Variants in ASCC2 observed in about 807,000 individuals in gnomAD.
ASCC2 encodes ASC-1 complex subunit P100.
A neutral mutation model predicts 93.5 loss-of-function variants in ASCC2; 42 were observed. The ratio of observed to expected loss-of-function variants is 0.45; its 90% CI spans 0.35 to 0.58. ASCC2 has a LOEUF of 0.58. Among genes scored for constraint, ASCC2 ranks in the 20% least tolerant of loss-of-function variants. The pLI, the probability that ASCC2 is intolerant of heterozygous loss-of-function variation, is 0.00. For synonymous variants in ASCC2, 364 were observed against 384.2 expected (o/e 0.95, Z 0.62); for missense variants, 859 against 977.6 (o/e 0.88, Z 1.62).
chr22:29,837,382 G>A (rs1193634034), intron 1 of ASCC2, among the ~76,000 whole-genome samples: 2 of 152,254 alleles, frequency 1.3e-5, no homozygotes, highest in East Asian at 1.9e-4. Flanking sequence ...GCAGTGGGAC[G>A]AGATCACGCC....
At chr22:29,832,550 A>C (rs2063285564) in intron 1 of ASCC2, 3 of 442,216 alleles carry the variant, frequency 6.8e-6, no homozygotes, top group South Asian at 8.3e-5. Context: ...TGTAGAAGAA[A>C]TACTTCCCCA....
intron 1 of ASCC2, among the ~76,000 whole-genome samples, chr22:29,837,303 C>T (rs1047672871): frequency 1.2e-4 from 18 of 150,764 alleles, no homozygotes; most frequent in African/African-American, 4.1e-4. Context: ...CGTGGTGGTG[C>T]ATGCCTGTAA....
chr22:29,804,162 T>A (rs1379590224), intron 13 of ASCC2, among the ~76,000 whole-genome samples: 2 of 152,128 alleles, frequency 1.3e-5, no homozygotes, highest in Non-Finnish European at 2.9e-5. Context: ...AGCCACAGAT[T>A]CGGCCAGTCC....
chr22:29,825,639 C>T lies in ASCC2; in HGVS notation c.223G>A (p.Asp75Asn), dbSNP rs772979948. The T allele has an allele frequency of 4.3e-6, 7 of 1,614,150 alleles. No individual in the cohort carries two copies. The highest frequency in any genetic ancestry group is 1.7e-5 in the Admixed American group (1 of 60,016). ...DLDWLLALPHDKFWCQVIFDE... is the reference protein window; with the variant it reads ...DLDWLLALPHNKFWCQVIFDE... The stretch of plus-strand genomic sequence containing the variant: ...AATGTTACCTGGCACCAGAATTTAT[C>T]GTGAGGCAAGGCCAGGAGCCAGTCG... The change falls in exon 3 of 20, where the codon GAT (aspartate) becomes AAT (asparagine). Residue 75 changes from aspartate (D) to asparagine (N), a missense_variant. Asp to Asn is a conservative substitution (Grantham distance 23). Transcript: ENST00000307790. The surrounding 1 kb of genome is among the most constrained non-coding windows in gnomAD (Gnocchi z 4.9).
chr22:29,810,855 C>T (rs919504418), intron 8 of ASCC2, among the ~76,000 whole-genome samples: 7 of 152,072 alleles, frequency 4.6e-5, no homozygotes, highest in Admixed American at 1.3e-4. Context: ...CTCAGCCTCC[C>T]GAATAGCTGG....
Position 29,789,018 on chromosome 22 carries a change from AT to A in ASCC2, c.2268del (p.Ser757ProfsTer46). On this transcript the variant is annotated frameshift_variant, in exon 20 of 20. Coordinates refer to ENST00000307790, the MANE Select transcript of ASCC2 (RefSeq NM_032204.5). LOFTEE classifies it high-confidence loss of function. ...CACTGGCCCTGCACCAGGTCTCAGGATGGGATCATGCCTTTGCTCCTCTTGC... is the reference window on the plus strand; with the variant it reads ...CACTGGCCCTGCACCAGGTCTCAGGAGGGATCATGCCTTTGCTCCTCTTGC... Reference protein sequence around the residue: ...ADRKRSKGMIPS With the variant: ...ADRKRSKGMIXS 6.2e-7 allele frequency: 1 copy of A among 1,614,116 alleles called. No homozygotes were observed. Among genetic ancestry groups the A allele is most frequent in the Non-Finnish European group, 8.5e-7 (1 of 1,179,996 alleles).
intron 2 of ASCC2, among the ~76,000 whole-genome samples, chr22:29,828,177 C>T (rs2062695051): frequency 6.6e-6 from 1 of 152,212 alleles, no homozygotes; most frequent in South Asian, 2.1e-4. Context: ...TCCAAGCATT[C>T]GAGGATAAGG....
intron 15 of ASCC2, 124 bp downstream of exon 15, chr22:29,800,867 G>C (rs577547353): frequency 8.0e-7 from 1 of 1,254,450 alleles, no homozygotes; most frequent in Non-Finnish European, 1.1e-6. Flanking sequence ...GTCTAGGGTT[G>C]TGAAGGGATC....
intron 15 of ASCC2, among the ~76,000 whole-genome samples, chr22:29,800,721 G>A (rs2058983267): frequency 6.6e-6 from 1 of 152,198 alleles, no homozygotes; most frequent in South Asian, 2.1e-4. Flanking sequence ...TAAGAAGAAG[G>A]GAAGAGGGGG....
chr22:29,823,283 T>C (rs1162227357), intron 4 of ASCC2, among the ~76,000 whole-genome samples: 1 of 147,796 alleles, frequency 6.8e-6, no homozygotes, highest in African/African-American at 2.5e-5. Flanking sequence ...AAATGATTCA[T>C]CTGCCTCGGC....
At chr22:29,793,714 T>A (rs1314400564) in intron 15 of ASCC2, 38 bp from the exon 16 acceptor site, 1 of 1,538,854 alleles carries the variant, frequency 6.5e-7, no homozygotes, top group South Asian at 1.2e-5. Flanking sequence ...AGGAAAACCA[T>A]CAGGCTTGGA....
intron 15 of ASCC2, among the ~76,000 whole-genome samples, chr22:29,798,683 A>C (rs1264929535): frequency 6.6e-6 from 1 of 152,174 alleles, no homozygotes; most frequent in African/African-American, 2.4e-5. Context: ...TTCTCATGGG[A>C]TTAGGACATG....
intron 10 of ASCC2, 121 bp downstream of exon 10, chr22:29,806,676 T>G (rs555595763): frequency 7.0e-7 from 1 of 1,423,036 alleles, no homozygotes; most frequent in South Asian, 1.2e-5. Flanking sequence ...TTTTCTTGGT[T>G]TCTCATCTCT....
rs2058059014 is a variant in ASCC2 at position 29,793,637 on chromosome 22, G to A, written c.1728C>T (p.Asp576=). 1.3e-6 allele frequency: 2 copies of A among 1,598,840 alleles called. No homozygotes were observed. Among genetic ancestry groups the A allele is most frequent in the Non-Finnish European group, 1.7e-6 (2 of 1,173,364 alleles). The change falls in exon 16 of 20, where the codon GAC becomes GAT. Residue 576 remains aspartate, a synonymous_variant. Transcript: ENST00000307790. ...KEENTRSLLN[D]KRAVAAQRQR... is the part of the protein sequence containing the mutation. ...GCCGCTGTGCCGCCACTGCACGCTT[G>A]TCGTTCAGCAAACTCCGCGTGTTTT...
At chr22:29,818,854 C>T (rs1315557908) in intron 5 of ASCC2, among the ~76,000 whole-genome samples, 1 of 152,174 alleles carries the variant, frequency 6.6e-6, no homozygotes, top group Non-Finnish European at 1.5e-5. Flanking sequence ...CTGCAACCAA[C>T]ACCTGTTCCA....
At chr22:29,816,890 C>T (rs2060927577) in intron 5 of ASCC2, 1 of 152,194 alleles carries the variant, frequency 6.6e-6, no homozygotes, top group African/African-American at 2.4e-5. Flanking sequence ...CCTTAAGCAG[C>T]CAGGGTTCTT....
chr22:29,821,676 C>A (rs2061567591), intron 5 of ASCC2, among the ~76,000 whole-genome samples: 1 of 152,206 alleles, frequency 6.6e-6, no homozygotes, highest in Non-Finnish European at 1.5e-5. Context: ...ATTCCTATGT[C>A]TGATGCATGG....
In ASCC2 at chr22:29,838,213, G is replaced by C. The variant is rs944209047; in HGVS notation, c.-53C>G. 6.4e-6 allele frequency: 3 copies of C among 466,148 alleles called. No homozygotes were observed. The highest frequency in any genetic ancestry group is 1.3e-5 in the Non-Finnish European group (3 of 231,864). The allele number at this position is 466,148 out of a possible 1,614,324, so 28.9% of individuals were successfully genotyped here. On this transcript the variant is annotated 5_prime_UTR_variant, in exon 1 of 20. Coordinates refer to ENST00000307790, the MANE Select transcript of ASCC2 (RefSeq NM_032204.5). ...CCACCACCGGCTCTGTGCCGCCGCC[G>C]CCGCCGCCGCCGCCGACCACGGTGA...
intron 8 of ASCC2, among the ~76,000 whole-genome samples, chr22:29,812,600 G>A (rs1350003687): frequency 1.3e-5 from 2 of 152,184 alleles, no homozygotes; most frequent in Non-Finnish European, 2.9e-5. Context: ...TACCCAAAGT[G>A]GGCTCTTGTT....
Sources: gnomAD v4.1 joint callset for allele counts (sites outside exome capture counted in the v4.1 genomes callset) on GRCh38, gnomAD v4.1.1 for gene constraint, Gnocchi (gnomAD v3.1) non-coding constraint, MANE v1.5 for transcripts, NCBI Gene and HGNC (gene_info 2026-07-23, HGNC 2026-07-21) for gene names.